Variants in ACYP2 observed in about 807,000 individuals in gnomAD.
ACYP2 encodes acylphosphatase 2.
In ACYP2, 12 loss-of-function variants were observed where a neutral mutation model predicts 11.2. The observed-to-expected ratio is 1.08, with a 90% CI of 0.69 to 1.74. The LOEUF is 1.74. Among genes scored for constraint, ACYP2 ranks in the 40% most tolerant of loss-of-function variants. The pLI, the probability that ACYP2 is intolerant of heterozygous loss-of-function variation, is 0.00. For synonymous variants in ACYP2, 43 were observed against 32.2 expected, an observed-to-expected ratio of 1.33 and a Z score of -1.13; for missense variants, 134 against 101.9, an observed-to-expected ratio of 1.31 and a Z score of -1.35.
chr2:54,151,847 C>A (rs181430567), intron 6 of ACYP2, among the ~76,000 whole-genome samples: 1 of 151,976 alleles, frequency 6.6e-6, no homozygotes, highest in Non-Finnish European at 1.5e-5. Flanking sequence ...TACTTTTTAT[C>A]TTTTTTTCTT....
intron 2 of ACYP2, among the ~76,000 whole-genome samples, chr2:54,036,784 G>A (rs1233615196): frequency 6.6e-6 from 1 of 152,178 alleles, no homozygotes; most frequent in Non-Finnish European, 1.5e-5. Context: ...GCATTTGAAT[G>A]TCTAGGATCT....
At chr2:54,206,947 A>G (rs985402852) in intron 6 of ACYP2, among the ~76,000 whole-genome samples, 2 of 152,106 alleles carry the variant, frequency 1.3e-5, no homozygotes, top group African/African-American at 4.8e-5. Context: ...AATGCAGTAC[A>G]TTTATTTTTT....
intron 2 of ACYP2, among the ~76,000 whole-genome samples, chr2:54,040,156 A>G (rs1025220576): frequency 6.6e-6 from 1 of 152,116 alleles, no homozygotes; most frequent in African/African-American, 2.4e-5. Context: ...CAGATTCTGG[A>G]CATATGCTGA....
At chr2:54,126,413 G>A (rs1680507053) in intron 4 of ACYP2, among the ~76,000 whole-genome samples, 1 of 152,122 alleles carries the variant, frequency 6.6e-6, no homozygotes, top group African/African-American at 2.4e-5. Flanking sequence ...ATCAAAAATT[G>A]TGACGGATCA....
intron 6 of ACYP2, among the ~76,000 whole-genome samples, chr2:54,277,745 A>G (rs1302787510): frequency 6.6e-6 from 1 of 152,190 alleles, no homozygotes; most frequent in Non-Finnish European, 1.5e-5. Context: ...TCATAGGCAC[A>G]AAGCTTTCTA....
chr2:53,999,380 C>G (rs1157921872), intron 2 of ACYP2, among the ~76,000 whole-genome samples: 1 of 152,132 alleles, frequency 6.6e-6, no homozygotes, highest in Non-Finnish European at 1.5e-5. Flanking sequence ...AAAACATGCC[C>G]AGGAAGGAAG....
intron 2 of ACYP2, among the ~76,000 whole-genome samples, chr2:54,027,806 A>G (rs1229238814): frequency 1.4e-5 from 2 of 146,930 alleles, no homozygotes; most frequent in Non-Finnish European, 3.0e-5. Flanking sequence ...ATATCAGATT[A>G]TATTTAGTCA....
rs80231115 is a variant in ACYP2, at chr2:54,053,927, T to C, written c.155+2877T>C. ...AGAGGGCAACAGGTGTTCTGGTCTT[T>C]CATTAAATCTCATTTCAAGAAAGGG... On this transcript the variant is annotated intron_variant, in intron 3 of 6. Transcript: ENST00000607452. 2.2e-4 allele frequency among the ~76,000 whole-genome samples: 34 copies of C among 152,346 alleles called. No individual in the cohort carries two copies. In the East Asian group the frequency reaches 6.4e-3, roughly 29 times the overall value.
At chr2:54,109,187 G>T (rs1011224146) in intron 4 of ACYP2, among the ~76,000 whole-genome samples, 4 of 152,046 alleles carry the variant, frequency 2.6e-5, no homozygotes, top group African/African-American at 7.2e-5. Flanking sequence ...AGAAAATGTG[G>T]TATACATATA....
chr2:54,293,241 C>G (rs1226617852), intron 6 of ACYP2, among the ~76,000 whole-genome samples: 1 of 152,200 alleles, frequency 6.6e-6, no homozygotes, highest in Non-Finnish European at 1.5e-5. Flanking sequence ...ACCACTGTGC[C>G]AGCACCTATT....
intron 6 of ACYP2, among the ~76,000 whole-genome samples, chr2:54,265,303 G>C (rs563759315): frequency 3.4e-3 from 521 of 152,288 alleles, no homozygotes; most frequent in African/African-American, 0.012. Flanking sequence ...GGCAAAGAGA[G>C]ACAGCTTGTA....
At chr2:54,224,040 C>T (rs1210436827) in intron 6 of ACYP2, among the ~76,000 whole-genome samples, 1 of 152,128 alleles carries the variant, frequency 6.6e-6, no homozygotes, top group African/African-American at 2.4e-5. Context: ...TGTACCGGGA[C>T]ATTGGGGTTA....
intron 4 of ACYP2, among the ~76,000 whole-genome samples, chr2:54,101,276 T>C (rs546417412): frequency 1.3e-5 from 2 of 152,358 alleles, no homozygotes; most frequent in South Asian, 2.1e-4. Flanking sequence ...GTACTTCCAA[T>C]TCTTTTTTTT....
intron 6 of ACYP2, among the ~76,000 whole-genome samples, chr2:54,155,887 C>G (rs1682410251): frequency 6.6e-6 from 1 of 152,150 alleles, no homozygotes; most frequent in South Asian, 2.1e-4. Context: ...TCTCCTGTTA[C>G]TGAGTCCTAG....
chr2:54,162,821 C>T (rs766062553), intron 6 of ACYP2, among the ~76,000 whole-genome samples: 1 of 152,004 alleles, frequency 6.6e-6, no homozygotes, highest in African/African-American at 2.4e-5. Context: ...AAAACAACAA[C>T]AACAAAAAAT....
intron 4 of ACYP2, among the ~76,000 whole-genome samples, chr2:54,093,939 CAAAA>C (rs1008805750): frequency 1.6e-5 from 2 of 121,528 alleles, no homozygotes; most frequent in African/African-American, 7.3e-5. Flanking sequence ...GACTCTGTCT[CAAAA>C]AACAAACAAA....
At chr2:54,194,445 T>C (rs1287870783) in intron 6 of ACYP2, among the ~76,000 whole-genome samples, 1 of 152,202 alleles carries the variant, frequency 6.6e-6, no homozygotes, top group Non-Finnish European at 1.5e-5. Flanking sequence ...TGCATACTTT[T>C]ATTGAGTTAA....
chr2:54,189,568 T>C (rs893924492), intron 6 of ACYP2, among the ~76,000 whole-genome samples: 2 of 147,168 alleles, frequency 1.4e-5, no homozygotes, highest in African/African-American at 2.5e-5. Context: ...AATTCTATTA[T>C]ATTTAATATG....
At chr2:54,070,144 C>T (rs750645892) in intron 4 of ACYP2, among the ~76,000 whole-genome samples, 1 of 152,024 alleles carries the variant, frequency 6.6e-6, no homozygotes, top group Non-Finnish European at 1.5e-5. Context: ...GTGGCACATG[C>T]CTGTAATCCC....
Sources: gnomAD v4.1 joint callset for allele counts (sites outside exome capture counted in the v4.1 genomes callset) on GRCh38, gnomAD v4.1.1 for gene constraint, MANE v1.5 for transcripts, NCBI Gene and HGNC (gene_info 2026-07-23, HGNC 2026-07-21) for gene names.